The following SMARCA2 variants were observed in gnomAD, a reference collection of about 807,000 sequenced individuals.
The protein encoded by SMARCA2 is SWI/SNF-related matrix-associated actin-dependent regulator of chromatin subfamily A member 2.
SMARCA2 carries 61 observed loss-of-function variants against 199.8 expected under a neutral mutation model. The observed-to-expected ratio is 0.31, with a 90% CI of 0.25 to 0.38. The LOEUF (loss-of-function observed/expected upper bound fraction) is 0.38. SMARCA2 is among the 10% of genes least tolerant of loss of function. The pLI, the probability that SMARCA2 is intolerant of heterozygous loss-of-function variation, is 1.00. For synonymous variants in SMARCA2, 935 were observed against 732.0 expected, an observed-to-expected ratio of 1.28 and a Z score of -4.48; for missense variants, 1,344 against 2,012.2, an observed-to-expected ratio of 0.67 and a Z score of 6.35.
At chr9:2,146,419 A>G (rs993848953) in intron 27 of SMARCA2, among the ~76,000 whole-genome samples, 1 of 152,144 alleles carries the variant, frequency 6.6e-6, no homozygotes, top group Non-Finnish European at 1.5e-5. Context: ...AGATCTCTAG[A>G]TTCTGTTACC....
chr9:2,189,820 C>G (rs894125576), intron 32 of SMARCA2, among the ~76,000 whole-genome samples: 1 of 152,190 alleles, frequency 6.6e-6, no homozygotes, highest in African/African-American at 2.4e-5. Context: ...CAGCTCTCAT[C>G]TCTTCTGTTA....
chr9:2,186,313 T>G (rs1827451461), intron 32 of SMARCA2, 85 bp downstream of exon 32: 9 of 1,393,180 alleles, frequency 6.5e-6, no homozygotes, highest in Admixed American at 2.2e-5. Flanking sequence ...GAAGAGACTT[T>G]AGAGTGGGGC....
intron 27 of SMARCA2, among the ~76,000 whole-genome samples, chr9:2,157,168 G>A (rs1236066679): frequency 6.6e-6 from 1 of 152,180 alleles, no homozygotes; most frequent in Non-Finnish European, 1.5e-5. Context: ...TATATTGTAA[G>A]AAAATCTCTC....
At position 2,091,678 on chromosome 9, in the gene SMARCA2, A is replaced by T. The variant is rs377127216; in HGVS notation, c.2883+3065A>T. Among the ~76,000 whole-genome samples, 6 of 152,188 alleles carry T rather than the reference A, an allele frequency of 3.9e-5. No homozygotes were observed. In the East Asian group the frequency reaches 1.2e-3, roughly 29 times the overall value. ...ACATAGATTTGTAAGAAACTTCTGC[A>T]TTGTTTCTTAGACTGTCTGAAGCAC... On this transcript the variant is annotated intron_variant, in intron 19 of 33. Coordinates refer to ENST00000349721, the MANE Select transcript of SMARCA2 (RefSeq NM_003070.5).
intron 29 of SMARCA2, among the ~76,000 whole-genome samples, chr9:2,177,207 C>G (rs999034512): frequency 6.6e-6 from 1 of 152,150 alleles, no homozygotes; most frequent in South Asian, 2.1e-4. Flanking sequence ...CAGTGTTGAC[C>G]CAATTTTTAA....
rs141861118 is a variant in SMARCA2, at chr9:2,032,970, G to C, written c.244G>C (p.Asp82His). 6.2e-7 allele frequency: 1 copy of C among 1,613,842 alleles called. No individual in the cohort carries two copies. The highest frequency in any genetic ancestry group is 8.5e-7 in the Non-Finnish European group (1 of 1,179,770). ...GTTTCAGCCCATCGATGGTATACAT[G>C]ACAAGGGGATTGTAGAAGACATCCA... The part of the protein sequence containing the change: ...QMHKPIDGIH[D>H]KGIVEDIHCG... The change falls in exon 3 of 34, where the codon GAC becomes CAC. Residue 82 changes from aspartate to histidine, a missense_variant. Asp to His is a moderately conservative substitution (Grantham distance 81). Transcript: ENST00000349721.
chr9:2,188,252 C>G (rs1281165401), intron 32 of SMARCA2, among the ~76,000 whole-genome samples: 1 of 152,048 alleles, frequency 6.6e-6, no homozygotes, highest in African/African-American at 2.4e-5. Flanking sequence ...TAATTATACT[C>G]TGTTAATCAG....
chr9:2,111,469 G>C (rs1024853454), intron 24 of SMARCA2, among the ~76,000 whole-genome samples: 3 of 145,432 alleles, frequency 2.1e-5, no homozygotes, highest in African/African-American at 5.1e-5. Context: ...TCCAGCCCGG[G>C]CGACAAAGCA....
rs1023709839 is a variant in SMARCA2 at position 2,084,945 on chromosome 9, CT to C, written c.2526+757del. Among the ~76,000 whole-genome samples the C allele has an allele frequency of 2.0e-5, 3 of 152,082 alleles. No homozygotes were observed. The East Asian group carries it at 5.8e-4, about 29-fold the overall frequency. On this transcript the variant is annotated intron_variant, in intron 17 of 33. Transcript: ENST00000349721. ...TTTCGTGGAACAAATAATGAAAACT[CT>C]TTTTTTTCCTCTTTAGTAATTTTTT...
chr9:2,076,480 G>T, intron 13 of SMARCA2, 151 bp downstream of exon 13: 1 of 572,562 alleles, frequency 1.7e-6, no homozygotes, highest in Non-Finnish European at 3.1e-6. Flanking sequence ...CTGAGTTCTG[G>T]GTTCCCAGGT....
At chr9:2,132,591 C>G (rs1054023012) in intron 27 of SMARCA2, among the ~76,000 whole-genome samples, 1 of 151,886 alleles carries the variant, frequency 6.6e-6, no homozygotes, top group Non-Finnish European at 1.5e-5. Flanking sequence ...ACCCTTTTTT[C>G]TTTTATCAAA....
In SMARCA2 at chr9:2,170,478, G is replaced by C; in HGVS notation, c.4253+6G>C. The C allele has an allele frequency of 4.3e-6, 7 of 1,614,062 alleles. No homozygotes were observed. Among genetic ancestry groups the C allele is most frequent in the South Asian group, 1.1e-5 (1 of 91,066 alleles). ...TTGGAAATAGAAGGAAACAGGTCAG[G>C]ATCTGTCTTGTATTCCCCTATCTCT... On this transcript the variant is annotated splice_donor_region_variant and intron_variant, in intron 29 of 33. Transcript: ENST00000349721. The surrounding 1 kb of genome is among the most constrained non-coding windows in gnomAD (Gnocchi z 4.7).
intron 9 of SMARCA2, among the ~76,000 whole-genome samples, chr9:2,063,565 A>G (rs116085507): frequency 4.6e-5 from 7 of 152,208 alleles, no homozygotes; most frequent in Admixed American, 3.3e-4. Context: ...GAGAAAACCT[A>G]CTTTACTCAG....
chr9:2,130,728 C>T (rs569712976), intron 27 of SMARCA2, among the ~76,000 whole-genome samples: 480 of 152,082 alleles, frequency 3.2e-3, no homozygotes, highest in African/African-American at 0.011. Flanking sequence ...TATACACACA[C>T]ATATATATAT....
At chr9:2,036,287 C>G (rs1819329533) in intron 3 of SMARCA2, among the ~76,000 whole-genome samples, 1 of 152,040 alleles carries the variant, frequency 6.6e-6, no homozygotes, top group Non-Finnish European at 1.5e-5. Context: ...GTTATTGCAT[C>G]TCTCTGAGGC....
chr9:2,120,364 A>G (rs1347149016), intron 26 of SMARCA2, among the ~76,000 whole-genome samples: 3 of 151,756 alleles, frequency 2.0e-5, no homozygotes, highest in Admixed American at 6.6e-5. Flanking sequence ...TGCTTTGTCT[A>G]TGGGGGGACA....
chr9:2,161,953 T>G lies in SMARCA2; in HGVS notation c.4199+50T>G, dbSNP rs947894730. 1 of 1,465,394 alleles carries G rather than the reference T, an allele frequency of 6.8e-7. No homozygotes were observed. The highest frequency in any genetic ancestry group is 9.5e-7 in the Non-Finnish European group (1 of 1,054,118). The allele number at this position is 1,465,394 out of a possible 1,614,324, so 90.8% of individuals were successfully genotyped here. On this transcript the variant is annotated intron_variant, in intron 28 of 33. Coordinates refer to ENST00000349721, the MANE Select transcript of SMARCA2 (RefSeq NM_003070.5). The surrounding 1 kb of genome is among the most constrained non-coding windows in gnomAD (Gnocchi z 4.7). Reference sequence around the variant, plus strand: ...GATCATCTCTCACCAAGACGCCGAGTGGCGCTCCCTGAGGAGCAGGAGTTG... The same window carrying G: ...GATCATCTCTCACCAAGACGCCGAGGGGCGCTCCCTGAGGAGCAGGAGTTG...
chr9:2,135,016 T>C (rs1341365626), intron 27 of SMARCA2, among the ~76,000 whole-genome samples: 1 of 152,144 alleles, frequency 6.6e-6, no homozygotes, highest in Non-Finnish European at 1.5e-5. Flanking sequence ...AGAGGAGATA[T>C]ATTATGGGCC....
intron 21 of SMARCA2, among the ~76,000 whole-genome samples, chr9:2,098,692 T>G (rs972760474): frequency 2.6e-5 from 4 of 152,092 alleles, no homozygotes; most frequent in South Asian, 2.1e-4. Context: ...CCCCTGTAAT[T>G]TGGGAGGCCG....
Sources: gnomAD v4.1 joint callset for allele counts (sites outside exome capture counted in the v4.1 genomes callset) on GRCh38, gnomAD v4.1.1 for gene constraint, Gnocchi (gnomAD v3.1) non-coding constraint, MANE v1.5 for transcripts, NCBI Gene and HGNC (gene_info 2026-07-23, HGNC 2026-07-21) for gene names.